CNTNAP2: variants seen among roughly 807,000 people sequenced by gnomAD.
CNTNAP2 encodes the protein contactin-associated protein-like 2.
A neutral mutation model predicts 155.2 loss-of-function variants in CNTNAP2; 98 were observed. The ratio of observed to expected loss-of-function variants is 0.63; its 90% CI spans 0.54 to 0.75. CNTNAP2 has a LOEUF of 0.75. Among genes scored for constraint, CNTNAP2 ranks in the 30% least tolerant of loss-of-function variants. The pLI is 0.00. For synonymous variants in CNTNAP2, 651 were observed against 631.2 expected, an observed-to-expected ratio of 1.03 and a Z score of -0.47; for missense variants, 1,727 against 1,688.1, an observed-to-expected ratio of 1.02 and a Z score of -0.40.
At chr7:146,423,162 G>T (rs1796036648) in intron 1 of CNTNAP2, among the ~76,000 whole-genome samples, 1 of 151,606 alleles carries the variant, frequency 6.6e-6, no homozygotes, top group East Asian at 1.9e-4. Context: ...TCTTATTATG[G>T]TTCCAATTTT....
chr7:146,717,858 G>C (rs1801218405), intron 1 of CNTNAP2, among the ~76,000 whole-genome samples: 1 of 151,538 alleles, frequency 6.6e-6, no homozygotes, highest in Non-Finnish European at 1.5e-5. Context: ...CTACCTTACA[G>C]ATGATTCATC....
intron 18 of CNTNAP2, among the ~76,000 whole-genome samples, chr7:148,174,184 A>G (rs1289804224): frequency 1.3e-5 from 2 of 152,240 alleles, no homozygotes; most frequent in African/African-American, 4.8e-5. Flanking sequence ...TAAATAGAAG[A>G]CTGCAAAACA....
chr7:147,896,748 C>A (rs2116739669), intron 13 of CNTNAP2, among the ~76,000 whole-genome samples: 1 of 152,300 alleles, frequency 6.6e-6, no homozygotes, highest in East Asian at 1.9e-4. Flanking sequence ...CCTCCAGCTG[C>A]ATGACTCTTA....
chr7:148,152,752 G>A lies in CNTNAP2; in HGVS notation c.2773+5043G>A, dbSNP rs575431159. ...AAGCTAAACTCTAGCTGGGCACGGCGGCTCACGCCTGTAATCCCAGCACTT... is the reference window on the plus strand; with the variant it reads ...AAGCTAAACTCTAGCTGGGCACGGCAGCTCACGCCTGTAATCCCAGCACTT... On this transcript the variant is annotated intron_variant, in intron 17 of 23. Transcript: ENST00000361727. Among the ~76,000 whole-genome samples, 21 of 152,246 alleles carry A rather than the reference G, an allele frequency of 1.4e-4. No homozygotes were observed. The East Asian group carries it at 2.9e-3, about 21-fold the overall frequency.
At chr7:147,096,316 A>G (rs1212029467) in intron 4 of CNTNAP2, among the ~76,000 whole-genome samples, 1 of 152,174 alleles carries the variant, frequency 6.6e-6, no homozygotes, top group African/African-American at 2.4e-5. Flanking sequence ...AAAAATTTGA[A>G]TTTCTGGGCT....
intron 3 of CNTNAP2, among the ~76,000 whole-genome samples, chr7:146,863,311 ATTGT>A (rs1212290170): frequency 4.6e-5 from 7 of 152,072 alleles, no homozygotes; most frequent in Admixed American, 6.6e-5. Context: ...GTATTAACTA[ATTGT>A]TTGTTTATAA....
intron 1 of CNTNAP2, among the ~76,000 whole-genome samples, chr7:146,606,129 C>G (rs759917887): frequency 2.6e-5 from 4 of 152,086 alleles, no homozygotes; most frequent in Non-Finnish European, 5.9e-5. Context: ...TGGCATCCAA[C>G]CATTTACTGT....
intron 1 of CNTNAP2, among the ~76,000 whole-genome samples, chr7:146,710,825 T>C (rs1004191826): frequency 2.6e-5 from 4 of 152,064 alleles, no homozygotes; most frequent in East Asian, 1.9e-4. Context: ...CACAAGACTG[T>C]AGGATATTTC....
chr7:147,271,763 G>A (rs1047236159), intron 8 of CNTNAP2, among the ~76,000 whole-genome samples: 1 of 152,098 alleles, frequency 6.6e-6, no homozygotes, highest in African/African-American at 2.4e-5. Flanking sequence ...ATGATTCAGC[G>A]ATCTCCTACC....
intron 1 of CNTNAP2, among the ~76,000 whole-genome samples, chr7:146,572,606 C>A (rs562752376): frequency 9.9e-4 from 150 of 152,186 alleles, no homozygotes; most frequent in Non-Finnish European, 1.8e-3. Context: ...AGGACATGAA[C>A]ATATTCTCCA....
At chr7:147,198,778 A>C (rs2116542885) in intron 8 of CNTNAP2, among the ~76,000 whole-genome samples, 1 of 152,218 alleles carries the variant, frequency 6.6e-6, no homozygotes, top group South Asian at 2.1e-4. Context: ...TTTATCAAGG[A>C]AAGACTACTA....
chr7:146,840,854 T>C (rs7800780), intron 3 of CNTNAP2, among the ~76,000 whole-genome samples: 8,332 of 152,228 alleles, frequency 0.055, 760 homozygotes, highest in African/African-American at 0.19. Context: ...AATAAGGATA[T>C]AATGTCCTGA....
chr7:147,006,429 C>T (rs895786444), intron 3 of CNTNAP2, among the ~76,000 whole-genome samples: 9 of 151,992 alleles, frequency 5.9e-5, no homozygotes, highest in African/African-American at 1.9e-4. Flanking sequence ...AAAATTTATG[C>T]CCTGTTTTTA....
chr7:147,505,805 G>C (rs10952689), intron 11 of CNTNAP2, among the ~76,000 whole-genome samples: 68,620 of 151,962 alleles, frequency 0.45, 16,480 homozygotes, highest in African/African-American at 0.61. Flanking sequence ...TTTCCTGTCA[G>C]AATCATTGCC....
intron 1 of CNTNAP2, among the ~76,000 whole-genome samples, chr7:146,612,766 A>G (rs566317982): frequency 6.6e-6 from 1 of 152,296 alleles, no homozygotes; most frequent in Admixed American, 6.5e-5. Context: ...ATACTTAGGT[A>G]TGTACTCATT....
intron 8 of CNTNAP2, among the ~76,000 whole-genome samples, chr7:147,191,386 A>C (rs1802677951): frequency 6.6e-6 from 1 of 152,336 alleles, no homozygotes; most frequent in African/African-American, 2.4e-5. Flanking sequence ...TCAAATCCTG[A>C]AGTCAAAGTA....
At chr7:147,877,440 G>T (rs971336656) in intron 13 of CNTNAP2, among the ~76,000 whole-genome samples, 4 of 152,122 alleles carry the variant, frequency 2.6e-5, no homozygotes, top group African/African-American at 9.6e-5. Context: ...TAATGGAAAA[G>T]AACATAAAAG....
intron 1 of CNTNAP2, among the ~76,000 whole-genome samples, chr7:146,174,558 C>CT (rs1798442657): frequency 6.6e-6 from 1 of 152,038 alleles, no homozygotes; most frequent in Non-Finnish European, 1.5e-5. Flanking sequence ...CTACTATAGG[C>CT]TGGGCGTGGT....
At chr7:147,084,741 AAT>A (rs1800235000) in intron 4 of CNTNAP2, among the ~76,000 whole-genome samples, 1 of 147,904 alleles carries the variant, frequency 6.8e-6, no homozygotes, top group African/African-American at 2.5e-5. Flanking sequence ...AATTATATAT[AAT>A]GTATATAATA....
Sources: gnomAD v4.1 joint callset for allele counts (sites outside exome capture counted in the v4.1 genomes callset) on GRCh38, gnomAD v4.1.1 for gene constraint, MANE v1.5 for transcripts, NCBI Gene and HGNC (gene_info 2026-07-23, HGNC 2026-07-21) for gene names.